DOCK7: variants seen among roughly 807,000 people sequenced by gnomAD.
DOCK7 encodes dedicator of cytokinesis 7, also known as dedicator of cytokinesis protein 7.
DOCK7 carries 138 observed loss-of-function variants against 271.0 expected under a neutral mutation model. The ratio of observed to expected loss-of-function variants is 0.51; its 90% CI spans 0.44 to 0.59. The LOEUF (loss-of-function observed/expected upper bound fraction) is 0.59. DOCK7 is among the 20% of genes least tolerant of loss of function. The probability of loss-of-function intolerance (pLI) is 0.00; values close to 1 mark genes in which losing one functional copy is unlikely to be tolerated. For synonymous variants in DOCK7, 823 were observed against 876.1 expected (o/e 0.94, Z 1.07); for missense variants, 2,066 against 2,592.4 (o/e 0.80, Z 4.41).
chr1:62,688,353 C>T lies in DOCK7; in HGVS notation c.-89G>A, dbSNP rs1662108955. 1.1e-6 allele frequency: 1 copy of T among 890,004 alleles called. No homozygotes were observed. The highest frequency in any genetic ancestry group is 1.4e-6 in the Non-Finnish European group (1 of 695,300). The allele number at this position is 890,004 out of a possible 1,614,324, so 55.1% of individuals were successfully genotyped here. A position where few individuals can be genotyped will look rare whatever the true frequency, so the allele number is the denominator to read the frequency against. ...CGTGCCTCCTCGCTCGTGCTCCCTC[C>T]CTCGCGGCCTCCGCCAGTCCGGGCT... On this transcript the variant is annotated 5_prime_UTR_variant, in exon 1 of 50. Transcript: ENST00000635253.
At chr1:62,594,178 A>G (rs1229324509) in intron 14 of DOCK7, among the ~76,000 whole-genome samples, 1 of 152,138 alleles carries the variant, frequency 6.6e-6, no homozygotes, top group Non-Finnish European at 1.5e-5. Flanking sequence ...TTAAATAGGC[A>G]CAAGTTCAAG....
intron 7 of DOCK7, chr1:62,641,171 C>T (rs1655975767): frequency 5.8e-6 from 2 of 346,448 alleles, no homozygotes; most frequent in Non-Finnish European, 1.1e-5. Context: ...CAGTTTTCTT[C>T]TCCATGTTCT....
intron 31 of DOCK7, among the ~76,000 whole-genome samples, chr1:62,524,899 C>T (rs1305964012): frequency 7.9e-6 from 1 of 126,432 alleles, no homozygotes; most frequent in Non-Finnish European, 1.6e-5. Context: ...AGGGCTCCGT[C>T]TCAAAAAACA....
At chr1:62,472,349 C>T (rs1276624980) in intron 48 of DOCK7, among the ~76,000 whole-genome samples, 1 of 152,152 alleles carries the variant, frequency 6.6e-6, no homozygotes, top group Non-Finnish European at 1.5e-5. Context: ...TGGTGATCCA[C>T]CCGCCTCGGC....
chr1:62,459,869 G>A (rs1645462076), intron 48 of DOCK7, among the ~76,000 whole-genome samples: 1 of 152,166 alleles, frequency 6.6e-6, no homozygotes, highest in South Asian at 2.1e-4. Flanking sequence ...GGAGGCCAAG[G>A]CGGGCGGATC....
chr1:62,531,273 A>G (rs1451299425), intron 29 of DOCK7, among the ~76,000 whole-genome samples: 1 of 152,166 alleles, frequency 6.6e-6, no homozygotes, highest in Non-Finnish European at 1.5e-5. Context: ...ACTCCAATCT[A>G]TATAAACTCT....
chr1:62,524,950 T>TAA, intron 31 of DOCK7, among the ~76,000 whole-genome samples: 1 of 139,750 alleles, frequency 7.2e-6, no homozygotes, highest in Admixed American at 7.2e-5. Context: ...TATATATATA[T>TAA]ATATATTACT....
intron 28 of DOCK7, 51 bp downstream of exon 28, chr1:62,537,840 T>C: frequency 6.6e-7 from 1 of 1,522,764 alleles, no homozygotes; most frequent in Non-Finnish European, 9.0e-7. Flanking sequence ...TTTAAAACTA[T>C]TCTTCACAAA....
intron 43 of DOCK7, among the ~76,000 whole-genome samples, chr1:62,480,925 C>T (rs1173378187): frequency 2.1e-5 from 3 of 140,378 alleles, no homozygotes; most frequent in African/African-American, 2.6e-5. Context: ...ACGAGAATGG[C>T]GTGAACCCGG....
intron 8 of DOCK7, among the ~76,000 whole-genome samples, chr1:62,636,113 G>A (rs1290320494): frequency 2.6e-5 from 4 of 151,846 alleles, no homozygotes; most frequent in Admixed American, 6.6e-5. Flanking sequence ...TTAGCTGGGC[G>A]TAGTGGCGGG....
intron 14 of DOCK7, among the ~76,000 whole-genome samples, chr1:62,594,103 T>G (rs1469570537): frequency 1.3e-5 from 2 of 152,142 alleles, no homozygotes; most frequent in African/African-American, 4.8e-5. Context: ...GCTTACAAGT[T>G]TATTTTCCTT....
At chr1:62,604,436 T>C (rs1650641993) in intron 14 of DOCK7, 1 of 894,376 alleles carries the variant, frequency 1.1e-6, no homozygotes, top group Non-Finnish European at 1.7e-6. Context: ...CCTCAGATTT[T>C]CTATTTTTTG....
chr1:62,476,382 TA>T (rs1645968645), intron 44 of DOCK7, among the ~76,000 whole-genome samples: 1 of 152,018 alleles, frequency 6.6e-6, no homozygotes, highest in Non-Finnish European at 1.5e-5. Flanking sequence ...AAACTTTAAA[TA>T]ACACAAAATA....
intron 31 of DOCK7, among the ~76,000 whole-genome samples, chr1:62,519,908 T>C (rs937215205): frequency 3.9e-5 from 6 of 152,002 alleles, no homozygotes; most frequent in Admixed American, 6.6e-5. Context: ...AACAGATACA[T>C]AGACCAAGGG....
At chr1:62,590,841 TA>T (rs1362149383) in intron 14 of DOCK7, among the ~76,000 whole-genome samples, 3 of 152,094 alleles carry the variant, frequency 2.0e-5, no homozygotes, top group African/African-American at 7.2e-5. Flanking sequence ...AAAAAAGGAA[TA>T]ACAGATGCTG....
chr1:62,660,993 G>T (rs1658596556), intron 2 of DOCK7, among the ~76,000 whole-genome samples: 3 of 151,952 alleles, frequency 2.0e-5, no homozygotes, highest in Admixed American at 2.0e-4. Flanking sequence ...CAACTACTCA[G>T]GAGGCTGATA....
At position 62,656,569 on chromosome 1, in the gene DOCK7, C is replaced by A. The variant is rs74368104; in HGVS notation, c.145-2410G>T. 1.4e-3 allele frequency among the ~76,000 whole-genome samples: 219 copies of A among 152,266 alleles called. 3 individuals are homozygous for A. The East Asian group carries it at 0.039, about 27-fold the overall frequency. On this transcript the variant is annotated intron_variant, in intron 2 of 49. Transcript: ENST00000635253. ...CTTCTGGAAAGATGAAGTAGAAGTA[C>A]TTTTCTCTATTCTTTCCACTAAGTA... is the stretch of plus-strand genomic sequence containing the variant.
At chr1:62,512,717 A>G (rs1644523712) in intron 33 of DOCK7, among the ~76,000 whole-genome samples, 1 of 151,682 alleles carries the variant, frequency 6.6e-6, no homozygotes, top group Admixed American at 6.6e-5. Flanking sequence ...TGGGCAATAC[A>G]GTGAGACCAT....
intron 33 of DOCK7, among the ~76,000 whole-genome samples, chr1:62,512,617 G>C (rs188338319): frequency 6.6e-6 from 1 of 152,018 alleles, no homozygotes; most frequent in Admixed American, 6.6e-5. Flanking sequence ...TGCAAATAAA[G>C]AGTAAAAACA....
Sources: allele counts gnomAD v4.1 joint callset (sites outside exome capture counted in the v4.1 genomes callset), GRCh38; gene constraint gnomAD v4.1.1; transcripts MANE v1.5; gene names NCBI Gene and HGNC (gene_info 2026-07-23, HGNC 2026-07-21).